Variants in PPFIA2 observed in about 807,000 individuals in gnomAD.
PPFIA2 encodes liprin-alpha-2.
PPFIA2 carries 46 observed loss-of-function variants against 175.5 expected under a neutral mutation model. The observed-to-expected ratio is 0.26, with a 90% CI of 0.21 to 0.34. The LOEUF (loss-of-function observed/expected upper bound fraction) is 0.34. Ranked by LOEUF, PPFIA2 falls within the 10% of genes least tolerant of loss-of-function variation. The probability of loss-of-function intolerance (pLI) is 1.00; values close to 1 mark genes in which losing one functional copy is unlikely to be tolerated. For synonymous variants in PPFIA2, 568 were observed against 511.4 expected (o/e 1.11, Z -1.49); for missense variants, 1,179 against 1,506.1 (o/e 0.78, Z 3.60).
chr12:81,345,821 G>A (rs749240496), intron 18 of PPFIA2, among the ~76,000 whole-genome samples: 3 of 152,218 alleles, frequency 2.0e-5, no homozygotes, highest in South Asian at 2.1e-4. Flanking sequence ...CAGATGAATG[G>A]TTCCTAAATT....
intron 4 of PPFIA2, among the ~76,000 whole-genome samples, chr12:81,590,815 G>A (rs768586049): frequency 9.7e-4 from 147 of 152,270 alleles, no homozygotes; most frequent in South Asian, 1.0e-3. Flanking sequence ...GAGCTGTTAA[G>A]TCCTTTAAAC....
Position 81,586,312 on chromosome 12 carries a change from C to A in PPFIA2, c.303+90479G>T, listed in dbSNP as rs539911565. ...TTCTATTTAAAGTTGCTGAGGTTTG[C>A]TTTTTGATATAACTTAAAATATCAG... is the stretch of plus-strand genomic sequence containing the variant. On this transcript the variant is annotated intron_variant, in intron 4 of 32. Transcript: ENST00000549396. Among the ~76,000 whole-genome samples, 6 of 151,888 alleles carry A rather than the reference C, an allele frequency of 4.0e-5. No individual in the cohort carries two copies. The South Asian group carries it at 1.2e-3, about 32-fold the overall frequency.
intron 4 of PPFIA2, among the ~76,000 whole-genome samples, chr12:81,659,371 T>C (rs1412550238): frequency 6.6e-6 from 1 of 152,070 alleles, no homozygotes; most frequent in Non-Finnish European, 1.5e-5. Flanking sequence ...ACCCTAATAC[T>C]GCACTTTCTT....
chr12:81,341,906 T>A (rs2058155602), intron 19 of PPFIA2, among the ~76,000 whole-genome samples: 1 of 152,150 alleles, frequency 6.6e-6, no homozygotes, highest in South Asian at 2.1e-4. Context: ...TATAACTTTA[T>A]CAGATAAAGT....
At chr12:81,449,484 C>T (rs1485428183) in intron 5 of PPFIA2, among the ~76,000 whole-genome samples, 1 of 132,692 alleles carries the variant, frequency 7.5e-6, no homozygotes. Context: ...AACATTACTT[C>T]AGACAAAAAA....
At chr12:81,509,215 A>G (rs982586507) in intron 4 of PPFIA2, among the ~76,000 whole-genome samples, 3 of 152,290 alleles carry the variant, frequency 2.0e-5, no homozygotes, top group African/African-American at 7.2e-5. Flanking sequence ...TTAGATGTGT[A>G]GATGGTGAAA....
chr12:81,394,443 TTC>T (rs1296433239), intron 8 of PPFIA2, among the ~76,000 whole-genome samples: 1 of 152,014 alleles, frequency 6.6e-6, no homozygotes, highest in African/African-American at 2.4e-5. Flanking sequence ...AAAATTTCAC[TTC>T]TGTCAGAGAA....
chr12:81,676,852 G>C lies in PPFIA2; in HGVS notation c.250-8C>G, dbSNP rs754065496. 1 of 1,575,598 alleles carries C rather than the reference G, an allele frequency of 6.3e-7. No individual in the cohort carries two copies. Among genetic ancestry groups the C allele is most frequent in the Non-Finnish European group, 8.6e-7 (1 of 1,161,736 alleles). ...TGTTAGGGATTCGATATCCTGAAAA[G>C]GGGAGAGGTGTTGATTGTAAAGTGC... On this transcript the variant is annotated splice_region_variant and splice_polypyrimidine_tract_variant and intron_variant, in intron 3 of 32. Coordinates refer to ENST00000549396, the MANE Select transcript of PPFIA2 (RefSeq NM_003625.5).
At chr12:81,666,528 A>T (rs1301276718) in intron 4 of PPFIA2, among the ~76,000 whole-genome samples, 1 of 152,042 alleles carries the variant, frequency 6.6e-6, no homozygotes, top group Non-Finnish European at 1.5e-5. Context: ...ACCAAACACC[A>T]CATGTTCTCA....
chr12:81,645,782 G>C (rs1432229663), intron 4 of PPFIA2, among the ~76,000 whole-genome samples: 2 of 152,210 alleles, frequency 1.3e-5, no homozygotes, highest in African/African-American at 4.8e-5. Flanking sequence ...TTAAGACCTA[G>C]CGTGGGCTAT....
At position 81,647,845 on chromosome 12, in the gene PPFIA2, TA is replaced by T. The variant is rs2066398415; in HGVS notation, c.303+28945del. ...TATATAGTATATATAATATATAATA[TA>T]ATATATAACATATATAATATAATAT... is the stretch of plus-strand genomic sequence containing the variant. On this transcript the variant is annotated intron_variant, in intron 4 of 32. Transcript: ENST00000549396. 2.1e-5 allele frequency among the ~76,000 whole-genome samples: 3 copies of T among 140,416 alleles called. No individual in the cohort carries two copies. In the South Asian group the frequency reaches 6.4e-4, roughly 30 times the overall value. 92.1% of individuals were successfully genotyped at this position (140,416 alleles called of 152,430 possible).
At chr12:81,529,784 C>T (rs1343531184) in intron 4 of PPFIA2, among the ~76,000 whole-genome samples, 1 of 151,740 alleles carries the variant, frequency 6.6e-6, no homozygotes, top group Non-Finnish European at 1.5e-5. Flanking sequence ...TTAAATTGTC[C>T]AGTTGGAGGA....
intron 16 of PPFIA2, among the ~76,000 whole-genome samples, chr12:81,355,240 A>C (rs2060707022): frequency 6.6e-6 from 1 of 152,162 alleles, no homozygotes. Flanking sequence ...GTTAATAAGT[A>C]GTAATATTTT....
At chr12:81,445,842 T>G in intron 5 of PPFIA2, 122 bp from the exon 6 acceptor site, 2 of 852,300 alleles carry the variant, frequency 2.3e-6, no homozygotes, top group Non-Finnish European at 3.5e-6. Flanking sequence ...CAGGTTACAC[T>G]GCAAGCAGCA....
At chr12:81,404,991 G>A (rs1381738295) in intron 8 of PPFIA2, among the ~76,000 whole-genome samples, 1 of 152,148 alleles carries the variant, frequency 6.6e-6, no homozygotes, top group Non-Finnish European at 1.5e-5. Context: ...ACAGGCAAAT[G>A]ATTCTCCTGA....
At chr12:81,322,949 T>G (rs938433124) in intron 22 of PPFIA2, among the ~76,000 whole-genome samples, 1 of 152,126 alleles carries the variant, frequency 6.6e-6, no homozygotes, top group Non-Finnish European at 1.5e-5. Flanking sequence ...AAAACAAATC[T>G]TGTAAGTTGT....
intron 4 of PPFIA2, among the ~76,000 whole-genome samples, chr12:81,588,962 G>A (rs947756938): frequency 3.2e-4 from 49 of 152,048 alleles, no homozygotes; most frequent in African/African-American, 1.2e-3. Context: ...CTAGGTACAA[G>A]TGAAATACAC....
intron 21 of PPFIA2, among the ~76,000 whole-genome samples, chr12:81,332,471 A>G (rs1286661155): frequency 1.3e-5 from 2 of 152,158 alleles, no homozygotes; most frequent in Non-Finnish European, 2.9e-5. Context: ...TTGCACTTAG[A>G]TGATCCTAGT....
At chr12:81,466,099 A>T (rs1016701254) in intron 4 of PPFIA2, among the ~76,000 whole-genome samples, 3 of 152,178 alleles carry the variant, frequency 2.0e-5, no homozygotes, top group Non-Finnish European at 4.4e-5. Context: ...AATCGCCTGC[A>T]TAACTAATGT....
Sources: gnomAD v4.1 joint callset for allele counts (sites outside exome capture counted in the v4.1 genomes callset) on GRCh38, gnomAD v4.1.1 for gene constraint, MANE v1.5 for transcripts, NCBI Gene and HGNC (gene_info 2026-07-23, HGNC 2026-07-21) for gene names.